The following ARID3A variants were observed in gnomAD, a reference collection of about 807,000 sequenced individuals.
The protein encoded by ARID3A is AT-rich interaction domain 3A.
ARID3A carries 11 observed loss-of-function variants against 52.7 expected under a neutral mutation model. That is an observed-to-expected ratio of 0.21 (90% confidence interval 0.13 to 0.35). ARID3A has a LOEUF of 0.35. Ranked by LOEUF, ARID3A falls within the 10% of genes least tolerant of loss-of-function variation. The probability of loss-of-function intolerance (pLI) is 1.00; values close to 1 mark genes in which losing one functional copy is unlikely to be tolerated. For missense variants in ARID3A, 721 were observed against 838.5 expected, an observed-to-expected ratio of 0.86 and a Z score of 1.73; for synonymous variants, 404 against 359.4, an observed-to-expected ratio of 1.12 and a Z score of -1.40.
In ARID3A at chr19:972,126, G is replaced by A. The variant is rs2038290054; in HGVS notation, c.*61G>A. 1 of 1,452,904 alleles carries A rather than the reference G, an allele frequency of 6.9e-7. No homozygotes were observed. The highest frequency in any genetic ancestry group is 9.1e-7 in the Non-Finnish European group (1 of 1,101,852). 90.0% of individuals were successfully genotyped at this position (1,452,904 alleles called of 1,614,324 possible). ...CCGCCGGCCTGGGCAGGGGGTCCAG[G>A]TGGGCCACACAGGGGCCAGGATGGC... On this transcript the variant is annotated 3_prime_UTR_variant, in exon 9 of 9. Coordinates refer to ENST00000263620, the MANE Select transcript of ARID3A (RefSeq NM_005224.3).
At chr19:961,291 G>T (rs942955770) in intron 4 of ARID3A, among the ~76,000 whole-genome samples, 1 of 152,164 alleles carries the variant, frequency 6.6e-6, no homozygotes, top group African/African-American at 2.4e-5. Flanking sequence ...ACTGCCAGCC[G>T]CCCGGAAGGG....
intron 4 of ARID3A, among the ~76,000 whole-genome samples, chr19:961,263 A>G (rs1023935496): frequency 6.6e-6 from 1 of 151,468 alleles, no homozygotes; most frequent in African/African-American, 2.4e-5. Flanking sequence ...TTCTATAAAC[A>G]CAGGCCCCAG....
intron 3 of ARID3A, among the ~76,000 whole-genome samples, chr19:950,829 GT>G (rs3216346): frequency 6.7e-5 from 10 of 148,186 alleles, no homozygotes; most frequent in Non-Finnish European, 9.0e-5. Flanking sequence ...TCTTTATTTT[GT>G]TTTTTTTTTG....
intron 3 of ARID3A, among the ~76,000 whole-genome samples, chr19:946,077 G>A (rs928883176): frequency 2.0e-5 from 3 of 152,118 alleles, no homozygotes; most frequent in Non-Finnish European, 2.9e-5. Context: ...GGGGCCCGGC[G>A]TCCAGGTGGG....
rs190254952 is a variant in ARID3A at position 957,238 on chromosome 19, C to T, written c.694-2854C>T. Among the ~76,000 whole-genome samples the T allele has an allele frequency of 5.9e-3, 902 of 152,250 alleles. 8 individuals are homozygous for T. The highest frequency in any genetic ancestry group is 0.021 in the African/African-American group (859 of 41,556). ...CAGCCACCACCCTGGCAGGCAGAGG[C>T]GGTCGGTGGCTCATTTCATAGCTGG... On this transcript the variant is annotated intron_variant, in intron 3 of 8. Transcript: ENST00000263620.
At position 929,806 on chromosome 19, in the gene ARID3A, C is replaced by A. The variant is rs1376223527; in HGVS notation, c.278C>A (p.Ala93Glu). Residue 93 changes from alanine to glutamate, a missense_variant, in exon 2 of 9, where the codon GCG becomes GAG. Coordinates refer to ENST00000263620, the MANE Select transcript of ARID3A (RefSeq NM_005224.3). The surrounding 1 kb of genome is among the most constrained non-coding windows in gnomAD (Gnocchi z 6.2). ...CCCCCAGGCTCGGAGGAGGAGGACG[C>A]GGCCCGGGAGGGGACACCGGGCTCA... Reference protein sequence around the residue: ...DGPPGSEEEDAAREGTPGSPG... With the variant: ...DGPPGSEEEDEAREGTPGSPG... 8 of 1,546,332 alleles carry A rather than the reference C, an allele frequency of 5.2e-6. No individual in the cohort carries two copies. Among genetic ancestry groups the A allele is most frequent in the South Asian group, 1.2e-5 (1 of 84,258 alleles).
chr19:961,163 G>A (rs1416458349), intron 4 of ARID3A, among the ~76,000 whole-genome samples: 2 of 152,154 alleles, frequency 1.3e-5, no homozygotes, highest in African/African-American at 2.4e-5. Flanking sequence ...CACAGAGGTC[G>A]GAAGGGGTGG....
intron 1 of ARID3A, among the ~76,000 whole-genome samples, chr19:926,867 C>T (rs975612959): frequency 2.0e-5 from 3 of 151,736 alleles, no homozygotes; most frequent in African/African-American, 7.3e-5. Context: ...TTTTTAGGCG[C>T]TCGGGCTGGA....
chr19:971,374 G>A (rs906923994), intron 8 of ARID3A, among the ~76,000 whole-genome samples: 1 of 152,218 alleles, frequency 6.6e-6, no homozygotes, highest in Admixed American at 6.5e-5. Flanking sequence ...CACTCTGGGA[G>A]GCCAAGGTGG....
At position 963,857 on chromosome 19, in the gene ARID3A, T is replaced by C. The variant is rs535456790; in HGVS notation, c.767-391T>C. On this transcript the variant is annotated intron_variant, in intron 4 of 8. Coordinates refer to ENST00000263620, the MANE Select transcript of ARID3A (RefSeq NM_005224.3). ...CCTGAGGCTGCAGAGCCCCTGTCAGTGTGGAGGGAACAGGCCTCTGGGAAC... is the reference window on the plus strand; with the variant it reads ...CCTGAGGCTGCAGAGCCCCTGTCAGCGTGGAGGGAACAGGCCTCTGGGAAC... Among the ~76,000 whole-genome samples the C allele has an allele frequency of 3.3e-5, 5 of 152,232 alleles. No homozygotes were observed. In the South Asian group the frequency reaches 1.0e-3, roughly 32 times the overall value.
chr19:955,950 C>T (rs969728867), intron 3 of ARID3A, among the ~76,000 whole-genome samples: 4 of 152,296 alleles, frequency 2.6e-5, no homozygotes, highest in Non-Finnish European at 5.9e-5. Flanking sequence ...CCTCCAGGGG[C>T]TGCAGGAGGA....
intron 3 of ARID3A, among the ~76,000 whole-genome samples, chr19:956,901 C>T (rs1212283261): frequency 1.3e-5 from 2 of 152,198 alleles, no homozygotes; most frequent in South Asian, 2.1e-4. Flanking sequence ...GGGCGTGGGT[C>T]TCCTTCTGGG....
intron 4 of ARID3A, among the ~76,000 whole-genome samples, chr19:962,618 G>A (rs975961217): frequency 2.0e-5 from 3 of 148,398 alleles, no homozygotes; most frequent in African/African-American, 7.4e-5. Flanking sequence ...AGGTTCAAGT[G>A]ATTCCCCTGC....
chr19:972,127 TG>T lies in ARID3A; in HGVS notation c.*65del. ...CGCCGGCCTGGGCAGGGGGTCCAGGTGGGCCACACAGGGGCCAGGATGGCGG... is the reference window on the plus strand; with the variant it reads ...CGCCGGCCTGGGCAGGGGGTCCAGGTGGCCACACAGGGGCCAGGATGGCGG... On this transcript the variant is annotated 3_prime_UTR_variant, in exon 9 of 9. Transcript: ENST00000263620. The T allele has an allele frequency of 1.4e-6, 2 of 1,441,862 alleles. No homozygotes were observed. The highest frequency in any genetic ancestry group is 1.4e-5 in the South Asian group (1 of 71,862). The allele number at this position is 1,441,862 out of a possible 1,614,324, so 89.3% of individuals were successfully genotyped here.
chr19:935,828 T>C (rs752045339), intron 3 of ARID3A, among the ~76,000 whole-genome samples: 34 of 152,168 alleles, frequency 2.2e-4, no homozygotes, highest in Non-Finnish European at 4.0e-4. Flanking sequence ...TCTCGCTCTG[T>C]CGCCCAGGCT....
chr19:946,749 C>A (rs1431006372), intron 3 of ARID3A, among the ~76,000 whole-genome samples: 1 of 151,798 alleles, frequency 6.6e-6, no homozygotes, highest in Non-Finnish European at 1.5e-5. Context: ...CTAATGTTTT[C>A]TTTCTTTAAT....
At chr19:951,409 TAGCC>T in intron 3 of ARID3A, among the ~76,000 whole-genome samples, 1 of 151,840 alleles carries the variant, frequency 6.6e-6, no homozygotes, top group East Asian at 2.0e-4. Flanking sequence ...ATACAAAAAT[TAGCC>T]AGGAGTGGTG....
At position 971,974 on chromosome 19, in the gene ARID3A, G is replaced by A. The variant is rs143689585; in HGVS notation, c.1691G>A (p.Arg564Gln). 4.4e-4 allele frequency: 712 copies of A among 1,602,292 alleles called. 2 individuals are homozygous for A. Among genetic ancestry groups the A allele is most frequent in the Non-Finnish European group, 5.5e-4 (652 of 1,174,832 alleles). The change falls in exon 9 of 9, where the codon CGG (arginine) becomes CAG (glutamine). Residue 564 changes from arginine to glutamine, a missense_variant. Transcript: ENST00000263620. ...GGGSSSNAGG[R>Q]GGNTGTSGGQ... ...GGCAGCAGCAGCAACGCAGGCGGCC[G>A]GGGAGGAAACACCGGAACCAGCGGC...
At chr19:945,468 C>A (rs1304160264) in intron 3 of ARID3A, among the ~76,000 whole-genome samples, 2 of 152,150 alleles carry the variant, frequency 1.3e-5, no homozygotes, top group South Asian at 2.1e-4. Flanking sequence ...CCGTCTGCTC[C>A]CTGCAGCGGG....
Sources: allele counts gnomAD v4.1 joint callset (sites outside exome capture counted in the v4.1 genomes callset), GRCh38; gene constraint gnomAD v4.1.1; non-coding constraint Gnocchi (gnomAD v3.1); transcripts MANE v1.5; gene names NCBI Gene and HGNC (gene_info 2026-07-23, HGNC 2026-07-21).